The following WNT7A variants were observed in gnomAD, a reference collection of about 807,000 sequenced individuals.
WNT7A encodes the protein protein Wnt-7a.
WNT7A carries 16 observed loss-of-function variants against 28.2 expected under a neutral mutation model. That is an observed-to-expected ratio of 0.57 (90% CI 0.38 to 0.86). WNT7A has a LOEUF of 0.86. Ranked by LOEUF, WNT7A falls within the 40% of genes least tolerant of loss-of-function variation. The pLI is 0.00. For missense variants in WNT7A, 411 were observed against 489.7 expected (o/e 0.84, Z 1.52); for synonymous variants, 190 against 195.9 (o/e 0.97, Z 0.25).
chr3:13,821,222 G>A (rs1459803973), intron 3 of WNT7A, among the ~76,000 whole-genome samples: 3 of 152,220 alleles, frequency 2.0e-5, no homozygotes, highest in African/African-American at 7.2e-5. Flanking sequence ...AGTTGAGCTG[G>A]AGGCTTTGAC....
chr3:13,847,543 G>T (rs1188508706), intron 3 of WNT7A, among the ~76,000 whole-genome samples: 1 of 152,158 alleles, frequency 6.6e-6, no homozygotes. Context: ...GCACTGTCCC[G>T]AGGCCACCGT....
At chr3:13,865,500 C>A (rs79692255) in intron 2 of WNT7A, among the ~76,000 whole-genome samples, 3,729 of 152,252 alleles carry the variant, frequency 0.024, 144 homozygotes, top group African/African-American at 0.082. Context: ...TTAAAAAGAT[C>A]TTGATGAGTG....
At chr3:13,855,909 A>G (rs1433353) in intron 2 of WNT7A, among the ~76,000 whole-genome samples, 67,888 of 151,992 alleles carry the variant, frequency 0.45, 18,466 homozygotes, top group East Asian at 0.83. Flanking sequence ...CTTAAGCAGC[A>G]AGTGAGGAGG....
Position 13,854,734 on chromosome 3 carries a change from C to T in WNT7A, c.368G>A (p.Cys123Tyr). ...AGVAHAITAA[C>Y]TQGNLSDCGC... ...ACAGTCGCTCAGGTTGCCCTGGGTA[C>T]AGGCAGCTGTGATGGCGTGGGCCAC... Residue 123 changes from cysteine (C) to tyrosine (Y), a missense_variant, in exon 3 of 4, where the codon TGT becomes TAT. Transcript: ENST00000285018. 2 of 1,614,094 alleles carry T rather than the reference C, an allele frequency of 1.2e-6. No homozygotes were observed. The highest frequency in any genetic ancestry group is 1.3e-5 in the African/African-American group (1 of 75,078).
chr3:13,868,870 CAG>C (rs1694976774), intron 2 of WNT7A, among the ~76,000 whole-genome samples: 1 of 57,024 alleles, frequency 1.8e-5, no homozygotes, highest in Non-Finnish European at 3.5e-5. Context: ...GAGAAAGAGA[CAG>C]AGGGAGAGAA....
intron 3 of WNT7A, among the ~76,000 whole-genome samples, chr3:13,821,804 C>G (rs1317611651): frequency 6.6e-6 from 1 of 152,194 alleles, no homozygotes; most frequent in Non-Finnish European, 1.5e-5. Context: ...TGGCCAGGGG[C>G]ACCCAGCTGT....
At chr3:13,850,781 C>T (rs74816035) in intron 3 of WNT7A, among the ~76,000 whole-genome samples, 2,215 of 152,154 alleles carry the variant, frequency 0.015, 51 homozygotes, top group African/African-American at 0.05. Flanking sequence ...CATGGAGGCT[C>T]GGAGACCCCT....
At position 13,874,464 on chromosome 3, in the gene WNT7A, G is replaced by C. The variant is rs991297343; in HGVS notation, c.298+483C>G. On this transcript the variant is annotated intron_variant, in intron 2 of 3. Coordinates refer to ENST00000285018, the MANE Select transcript of WNT7A (RefSeq NM_004625.4). ...ATCATGTCACAGGAATGCACAGGAC[G>C]GGCAGCAGTAGGGAGTGGTGGGGAC... Among the ~76,000 whole-genome samples the C allele has an allele frequency of 4.5e-4, 69 of 152,134 alleles. 1 individual carries two copies. Among genetic ancestry groups the C allele is most frequent in the Non-Finnish European group, 5.9e-5 (4 of 68,028 alleles).
intron 3 of WNT7A, among the ~76,000 whole-genome samples, chr3:13,852,122 G>A (rs967295259): frequency 6.6e-6 from 1 of 152,156 alleles, no homozygotes; most frequent in African/African-American, 2.4e-5. Flanking sequence ...ATTCTCCTTC[G>A]ACTGCCAGGG....
chr3:13,834,317 G>A (rs1694329695), intron 3 of WNT7A, among the ~76,000 whole-genome samples: 1 of 152,084 alleles, frequency 6.6e-6, no homozygotes, highest in South Asian at 2.1e-4. Flanking sequence ...TCCAGTTGTG[G>A]GGAGCTGAGG....
intron 3 of WNT7A, among the ~76,000 whole-genome samples, chr3:13,848,371 A>G (rs1289313875): frequency 6.6e-6 from 1 of 152,208 alleles, no homozygotes; most frequent in African/African-American, 2.4e-5. Context: ...AAATATCCAA[A>G]CTCACCAGTT....
intron 2 of WNT7A, among the ~76,000 whole-genome samples, chr3:13,855,493 T>C (rs752166818): frequency 6.6e-6 from 1 of 152,212 alleles, no homozygotes; most frequent in Middle Eastern, 3.2e-3. Flanking sequence ...ATTTCAGATG[T>C]CCATCCCCTC....
rs1695179471 is a variant in WNT7A at position 13,879,784 on chromosome 3, G to A, written c.33C>T (p.His11=). ...AGACCATGCCCAGGCTGAGAAAGAGGTGGCCCAGGCAGCGCCGCGCTTTCC... is the reference window on the plus strand; with the variant it reads ...AGACCATGCCCAGGCTGAGAAAGAGATGGCCCAGGCAGCGCCGCGCTTTCC... The part of the protein sequence containing the change: MNRKARRCLG[H]LFLSLGMVYL... Residue 11 remains histidine, a synonymous_variant, in exon 1 of 4, where the codon CAC becomes CAT. Coordinates refer to ENST00000285018, the MANE Select transcript of WNT7A (RefSeq NM_004625.4). 1 of 1,612,466 alleles carries A rather than the reference G, an allele frequency of 6.2e-7. No homozygotes were observed. The highest frequency in any genetic ancestry group is 1.3e-5 in the African/African-American group (1 of 74,890).
chr3:13,848,669 TG>T (rs1052940522), intron 3 of WNT7A, among the ~76,000 whole-genome samples: 130 of 152,288 alleles, frequency 8.5e-4, no homozygotes, highest in African/African-American at 2.8e-3. Context: ...TCCCACAAAA[TG>T]GAAAATGGTT....
chr3:13,874,711 T>G (rs1425408894), intron 2 of WNT7A, among the ~76,000 whole-genome samples: 1 of 146,930 alleles, frequency 6.8e-6, no homozygotes, highest in Admixed American at 6.9e-5. Context: ...AGGTTAACAT[T>G]TGGGTCACTG....
intron 3 of WNT7A, among the ~76,000 whole-genome samples, chr3:13,830,000 C>T (rs754517077): frequency 6.6e-6 from 1 of 152,186 alleles, no homozygotes; most frequent in Non-Finnish European, 1.5e-5. Flanking sequence ...GCTGCTGCTG[C>T]CTGGCATGGC....
Position 13,818,814 on chromosome 3 carries a change from A to G in WNT7A, c.*130T>C. The stretch of plus-strand genomic sequence containing the variant: ...TTTTCCCCCACGGATGCCTGCAGGA[A>G]ACCCAGGAAAAGTACCCTCCTCAGC... On this transcript the variant is annotated 3_prime_UTR_variant, in exon 4 of 4. Transcript: ENST00000285018. 1 of 1,377,068 alleles carries G rather than the reference A, an allele frequency of 7.3e-7. No individual in the cohort carries two copies. The highest frequency in any genetic ancestry group is 2.9e-5 in the Admixed American group (1 of 34,648). 85.3% of individuals were successfully genotyped at this position (1,377,068 alleles called of 1,614,324 possible).
At chr3:13,876,607 C>T (rs951767513) in intron 1 of WNT7A, among the ~76,000 whole-genome samples, 1 of 152,144 alleles carries the variant, frequency 6.6e-6, no homozygotes, top group Non-Finnish European at 1.5e-5. Flanking sequence ...GTGAGGTTCT[C>T]CTGTACCAAT....
At chr3:13,876,998 T>C (rs923004193) in intron 1 of WNT7A, 2 of 152,240 alleles carry the variant, frequency 1.3e-5, no homozygotes, top group African/African-American at 4.8e-5. Context: ...CCTGAGAGGA[T>C]GAGCTCCCTG....
Sources: gnomAD v4.1 joint callset for allele counts (sites outside exome capture counted in the v4.1 genomes callset) on GRCh38, gnomAD v4.1.1 for gene constraint, MANE v1.5 for transcripts, NCBI Gene and HGNC (gene_info 2026-07-23, HGNC 2026-07-21) for gene names.